Variants in STAU1 observed in about 807,000 individuals in gnomAD.
STAU1 encodes the protein staufen double-stranded RNA binding protein 1.
A neutral mutation model predicts 62.9 loss-of-function variants in STAU1; 13 were observed. That is an observed-to-expected ratio of 0.21 (90% CI 0.13 to 0.33). The LOEUF is 0.33. STAU1 is among the 10% of genes least tolerant of loss of function. STAU1 has a pLI of 1.00. For synonymous variants in STAU1, 269 were observed against 265.1 expected (o/e 1.01, Z -0.14); for missense variants, 571 against 712.1 (o/e 0.80, Z 2.25).
At chr20:49,206,719 T>TATATATA in the STAU1 span, among the ~76,000 whole-genome samples, 1 of 106,038 alleles carries the variant, frequency 9.4e-6, no homozygotes, top group South Asian at 3.2e-4. Context: ...AAATGAAATT[T>TATATATA]TATATATATA....
intron 3 of STAU1, among the ~76,000 whole-genome samples, chr20:49,161,053 T>C (rs1353650234): frequency 6.7e-6 from 1 of 149,904 alleles, no homozygotes; most frequent in Non-Finnish European, 1.5e-5. Context: ...GCGGGGTGGC[T>C]AACACCTGTA....
chr20:49,205,363 GTTTT>G, the STAU1 span, among the ~76,000 whole-genome samples: 10 of 118,100 alleles, frequency 8.5e-5, no homozygotes, highest in African/African-American at 3.1e-4. Context: ...CTTTATGACA[GTTTT>G]TTTTTTTTTT....
At chr20:49,202,064 C>A in the STAU1 span, among the ~76,000 whole-genome samples, 1 of 149,862 alleles carries the variant, frequency 6.7e-6, no homozygotes. Flanking sequence ...ACTAAAAATA[C>A]AAAAAATTAG....
At chr20:49,199,244 T>A in the STAU1 span, among the ~76,000 whole-genome samples, 2 of 152,032 alleles carry the variant, frequency 1.3e-5, no homozygotes, top group African/African-American at 4.8e-5. Context: ...TGATTTTTTT[T>A]ATTTTGAGAT....
rs542560057 is a variant in STAU1 at position 49,174,645 on chromosome 20, G to C, written c.-159-376C>G. 8.6e-5 allele frequency among the ~76,000 whole-genome samples: 13 copies of C among 151,594 alleles called. No individual in the cohort carries two copies. In the East Asian group the frequency reaches 2.5e-3, roughly 29 times the overall value. ...CCGAGGTGGGAAATTACGAGGTTAAGAGATTGAGACTGCCAGGCATGGTGG... is the reference window on the plus strand; with the variant it reads ...CCGAGGTGGGAAATTACGAGGTTAACAGATTGAGACTGCCAGGCATGGTGG... On this transcript the variant is annotated intron_variant, in intron 1 of 13. Transcript: ENST00000371856.
At chr20:49,201,810 T>C in the STAU1 span, among the ~76,000 whole-genome samples, 95 of 151,172 alleles carry the variant, frequency 6.3e-4, no homozygotes, top group African/African-American at 2.3e-3. Context: ...AAGACAAAAT[T>C]ACATGTCAGA....
intron 4 of STAU1, among the ~76,000 whole-genome samples, chr20:49,152,692 C>T (rs1259741054): frequency 6.6e-6 from 1 of 152,118 alleles, no homozygotes. Context: ...ATGGCATTTT[C>T]AGGTTTCAAT....
chr20:49,181,072 C>G (rs996730141), intron 1 of STAU1, among the ~76,000 whole-genome samples: 2 of 152,136 alleles, frequency 1.3e-5, no homozygotes, highest in Admixed American at 1.3e-4. Flanking sequence ...CCCTCGGAAG[C>G]GCATCAGCAT....
intron 1 of STAU1, among the ~76,000 whole-genome samples, chr20:49,185,823 G>A (rs2093779448): frequency 6.6e-6 from 1 of 152,010 alleles, no homozygotes; most frequent in South Asian, 2.1e-4. Context: ...TTGTGATATG[G>A]CAGTATTAGA....
At position 49,120,010 on chromosome 20, in the gene STAU1, G is replaced by C. The variant is rs1015687786; in HGVS notation, c.1085C>G (p.Thr362Ser). The change falls in exon 9 of 14, where the codon ACC (threonine) becomes AGC (serine). Residue 362 changes from threonine (T) to serine (S), a missense_variant. Coordinates refer to ENST00000371856, the MANE Select transcript of STAU1 (RefSeq NM_017453.4). The part of the protein sequence containing the change: ...LGFKVPQAQP[T>S]KPALKSEEKT... The stretch of plus-strand genomic sequence containing the variant: ...CTCCTCTGACTTGAGTGCGGGTTTG[G>C]TGGGCTGCGCCTGCGGGACTTTGAA... The C allele has an allele frequency of 8.7e-6, 14 of 1,614,064 alleles. No individual in the cohort carries two copies. Among genetic ancestry groups the C allele is most frequent in the Non-Finnish European group, 1.1e-5 (13 of 1,180,014 alleles).
chr20:49,181,077 C>G (rs986768893), intron 1 of STAU1, among the ~76,000 whole-genome samples: 1 of 152,174 alleles, frequency 6.6e-6, no homozygotes, highest in African/African-American at 2.4e-5. Flanking sequence ...GGAAGCGCAT[C>G]AGCATCCTCA....
At chr20:49,173,049 T>A (rs911433580) in intron 2 of STAU1, among the ~76,000 whole-genome samples, 1 of 151,628 alleles carries the variant, frequency 6.6e-6, no homozygotes, top group Non-Finnish European at 1.5e-5. Flanking sequence ...TTTCACCGTG[T>A]TAGCCAGGAG....
chr20:49,134,067 A>C (rs778242133), intron 6 of STAU1, among the ~76,000 whole-genome samples: 3 of 152,212 alleles, frequency 2.0e-5, no homozygotes, highest in African/African-American at 7.2e-5. Context: ...ATAATCAAGC[A>C]CGTAAATCAA....
intron 6 of STAU1, among the ~76,000 whole-genome samples, chr20:49,128,154 G>GAA (rs71184263): frequency 3.0e-4 from 43 of 145,448 alleles, no homozygotes; most frequent in Admixed American, 9.6e-4. Flanking sequence ...TGTCTCAGAG[G>GAA]AAAAAAAAAA....
At chr20:49,156,098 AT>A (rs2093352939) in intron 3 of STAU1, among the ~76,000 whole-genome samples, 1 of 152,144 alleles carries the variant, frequency 6.6e-6, no homozygotes, top group African/African-American at 2.4e-5. Context: ...CATTTTTCTC[AT>A]TCTTTTTAAT....
At chr20:49,155,904 C>T (rs770175447) in intron 3 of STAU1, among the ~76,000 whole-genome samples, 3 of 152,092 alleles carry the variant, frequency 2.0e-5, no homozygotes, top group Non-Finnish European at 2.9e-5. Context: ...TTCCTACATA[C>T]GAAGACCTGG....
At position 49,124,510 on chromosome 20, in the gene STAU1, A is replaced by G. The variant is rs767311246; in HGVS notation, c.687T>C (p.Gly229=). Residue 229 remains glycine (G), a synonymous_variant, in exon 7 of 14, where the codon GGT becomes GGC. Transcript: ENST00000371856. ...KVSVGEFVGE[G]EGKSKKISKK... is the part of the protein sequence containing the mutation. ...TTGAAATCTTCTTGCTTTTCCCTTCACCTTCCCCCACAAACTCCCCAACCG... is the reference window on the plus strand; with the variant it reads ...TTGAAATCTTCTTGCTTTTCCCTTCGCCTTCCCCCACAAACTCCCCAACCG... The G allele has an allele frequency of 6.2e-7, 1 of 1,613,402 alleles. No individual in the cohort carries two copies. Among genetic ancestry groups the G allele is most frequent in the South Asian group, 1.1e-5 (1 of 91,052 alleles).
At chr20:49,118,257 G>T in intron 10 of STAU1, 76 bp downstream of exon 10, 3 of 1,447,588 alleles carry the variant, frequency 2.1e-6, no homozygotes, top group Non-Finnish European at 2.9e-6. Flanking sequence ...CACTGGCTGG[G>T]CTCCTGCTGT....
chr20:49,182,613 CG>C (rs1388805651), intron 1 of STAU1, among the ~76,000 whole-genome samples: 1 of 152,062 alleles, frequency 6.6e-6, no homozygotes, highest in Non-Finnish European at 1.5e-5. Context: ...CCGAGGTGGG[CG>C]GATCACAAGG....
Sources: gnomAD v4.1 joint callset for allele counts (sites outside exome capture counted in the v4.1 genomes callset) on GRCh38, gnomAD v4.1.1 for gene constraint, MANE v1.5 for transcripts, NCBI Gene and HGNC (gene_info 2026-07-23, HGNC 2026-07-21) for gene names.